TRIM67: variants seen among roughly 807,000 people sequenced by gnomAD.
TRIM67 encodes tripartite motif containing 67, also known as tripartite motif-containing protein 67.
Under a neutral mutation model 71.0 loss-of-function variants are expected in TRIM67, and 39 were observed. The ratio of observed to expected loss-of-function variants is 0.55; its 90% confidence interval spans 0.43 to 0.72. TRIM67 has a LOEUF of 0.72. TRIM67 is among the 30% of genes least tolerant of loss of function. The pLI, the probability that TRIM67 is intolerant of heterozygous loss-of-function variation, is 0.00. For synonymous variants in TRIM67, 481 were observed against 473.9 expected, an observed-to-expected ratio of 1.01 and a Z score of -0.19; for missense variants, 973 against 1,079.2, an observed-to-expected ratio of 0.90 and a Z score of 1.38.
intron 1 of TRIM67, among the ~76,000 whole-genome samples, chr1:231,186,575 G>T (rs1683082096): frequency 1.3e-5 from 2 of 152,122 alleles, no homozygotes; most frequent in South Asian, 2.1e-4. Flanking sequence ...TTCACGTGGT[G>T]CTTTCCCTAG....
chr1:231,207,292 C>T (rs1683731632), intron 7 of TRIM67, among the ~76,000 whole-genome samples: 1 of 152,172 alleles, frequency 6.6e-6, no homozygotes. Context: ...CACACCAGTC[C>T]CTACATTTGA....
In TRIM67 at chr1:231,218,434, G is replaced by A; in HGVS notation, c.*2994G>A. Reference sequence around the variant, plus strand: ...AGTGCCTCTGTAATGTGGTTCTGCAGTTGTTCTTTGCTAGTGAGCAAGCTT... The same window carrying A: ...AGTGCCTCTGTAATGTGGTTCTGCAATTGTTCTTTGCTAGTGAGCAAGCTT... On this transcript the variant is annotated 3_prime_UTR_variant, in exon 10 of 10. Coordinates refer to ENST00000366653, the MANE Select transcript of TRIM67 (RefSeq NM_001004342.5). 4 of 985,646 alleles carry A rather than the reference G, an allele frequency of 4.1e-6. No homozygotes were observed. The highest frequency in any genetic ancestry group is 2.4e-6 in the Non-Finnish European group (2 of 830,088). 61.1% of individuals were successfully genotyped at this position (985,646 alleles called of 1,614,324 possible).
intron 4 of TRIM67, 67 bp downstream of exon 4, chr1:231,200,325 C>G: frequency 9.5e-7 from 1 of 1,049,148 alleles, no homozygotes; most frequent in Non-Finnish European, 1.5e-6. Context: ...CCAAATCAGC[C>G]CAAGTTCTAG....
chr1:231,204,337 C>A (rs1683636864), intron 6 of TRIM67, among the ~76,000 whole-genome samples: 1 of 152,182 alleles, frequency 6.6e-6, no homozygotes, highest in Non-Finnish European at 1.5e-5. Flanking sequence ...CTTGTCTCAT[C>A]CTCTAATTAT....
rs139376072 is a variant in TRIM67, at chr1:231,200,237, C to T, written c.1353C>T (p.Asn451=). The change falls in exon 4 of 10, where the codon AAC becomes AAT. Residue 451 remains asparagine, a synonymous_variant. Coordinates refer to ENST00000366653, the MANE Select transcript of TRIM67 (RefSeq NM_001004342.5). ...ACTGCCTGGAGGTGATCAAGGAGAACGACCCCTCCGGGTTCTTACAGGTGA... is the reference window on the plus strand; with the variant it reads ...ACTGCCTGGAGGTGATCAAGGAGAATGACCCCTCCGGGTTCTTACAGGTGA... ...MEYCLEVIKE[N]DPSGFLQISD... is the part of the protein sequence containing the mutation. 23,843 of 1,612,960 alleles carry T rather than the reference C, an allele frequency of 0.015. 277 individuals are homozygous for T. The highest frequency in any genetic ancestry group is 0.037 in the South Asian group (3,357 of 91,032).
chr1:231,186,181 A>G, intron 1 of TRIM67: 1 of 1,532,244 alleles, frequency 6.5e-7, no homozygotes, highest in Admixed American at 2.0e-5. Context: ...GTTCTGCATG[A>G]ATCACAGCAG....
Position 231,217,740 on chromosome 1 carries a change from G to A in TRIM67, c.*2300G>A. ...CAGGTCACCAGGTGGCCCCAGCTCT[G>A]CAGAAGAATCGCCCATCATTGGAGC... On this transcript the variant is annotated 3_prime_UTR_variant, in exon 10 of 10. Transcript: ENST00000366653. 2 of 1,262,284 alleles carry A rather than the reference G, an allele frequency of 1.6e-6. No homozygotes were observed. The highest frequency in any genetic ancestry group is 2.1e-6 in the Non-Finnish European group (2 of 974,020). 78.2% of individuals were successfully genotyped at this position (1,262,284 alleles called of 1,614,324 possible). A position where few individuals can be genotyped will look rare whatever the true frequency, so the allele number is the denominator to read the frequency against.
In TRIM67 at chr1:231,163,200, C is replaced by A. The variant is rs1260552328; in HGVS notation, c.231C>A (p.Cys77Ter). 1 of 1,496,326 alleles carries A rather than the reference C, an allele frequency of 6.7e-7. No individual in the cohort carries two copies. The highest frequency in any genetic ancestry group is 1.5e-5 in the African/African-American group (1 of 68,750). The allele number at this position is 1,496,326 out of a possible 1,614,324, so 92.7% of individuals were successfully genotyped here. A position where few individuals can be genotyped will look rare whatever the true frequency, so the allele number is the denominator to read the frequency against. ...ACGACGCTGCGGCTGGCCCGGCCTG[C>A]GGCGGTGCAGGCGGGAGTGCAGCTG... ...LEHDAAAGPA[C>*]GGAGGSAAGG... Residue 77 changes from cysteine to a stop codon, truncating the protein, a stop_gained, in exon 1 of 10, where the codon TGC becomes TGA. Coordinates refer to ENST00000366653, the MANE Select transcript of TRIM67 (RefSeq NM_001004342.5). LOFTEE classifies it high-confidence loss of function.
chr1:231,203,802 G>A, intron 5 of TRIM67, 65 bp from the exon 6 acceptor site: 15 of 1,553,166 alleles, frequency 9.7e-6, no homozygotes, highest in Non-Finnish European at 1.1e-5. Flanking sequence ...ATGGGGTGGG[G>A]TGGGGGACCG....
At chr1:231,172,968 A>G (rs1314437839) in intron 1 of TRIM67, among the ~76,000 whole-genome samples, 1 of 152,244 alleles carries the variant, frequency 6.6e-6, no homozygotes, top group Non-Finnish European at 1.5e-5. Flanking sequence ...TAACGTAAAT[A>G]CTGATGCTGT....
At position 231,162,846 on chromosome 1, in the gene TRIM67, A is replaced by C; in HGVS notation, c.-124A>C. On this transcript the variant is annotated 5_prime_UTR_variant, in exon 1 of 10. The change abolishes an upstream ATG in the 5' untranslated region. Transcript: ENST00000366653. The stretch of plus-strand genomic sequence containing the variant: ...CGTGCCCCTCGGCTGTGAAGTGGGC[A>C]TGCCCGTGTGATGCCCCCGCCCGTC... 2 of 1,313,412 alleles carry C rather than the reference A, an allele frequency of 1.5e-6. No individual in the cohort carries two copies. The highest frequency in any genetic ancestry group is 2.1e-6 in the Non-Finnish European group (2 of 966,850). The allele number at this position is 1,313,412 out of a possible 1,614,324, so 81.4% of individuals were successfully genotyped here.
Position 231,203,962 on chromosome 1 carries a change from G to C in TRIM67, c.1630G>C (p.Val544Leu). The C allele has an allele frequency of 6.2e-7, 1 of 1,613,966 alleles. No homozygotes were observed. Among genetic ancestry groups the C allele is most frequent in the Non-Finnish European group, 8.5e-7 (1 of 1,179,868 alleles). Residue 544 changes from valine (V) to leucine (L), a missense_variant, in exon 6 of 10, where the codon GTG becomes CTG. Around this residue, in one of 2 missense-constraint regions of TRIM67, gnomAD observed 795 missense variants for 831.3 expected, o/e 0.96. Transcript: ENST00000366653. The stretch of plus-strand genomic sequence containing the variant: ...GATGCCACCCTTCACCCACAGCCCC[G>C]TGGACGGCTACATCCTGGAGCTGGA... ...WRMPPFTHSP[V>L]DGYILELDDG...
At chr1:231,185,028 T>C in intron 1 of TRIM67, 1 of 1,533,000 alleles carries the variant, frequency 6.5e-7, no homozygotes, top group Non-Finnish European at 8.7e-7. Flanking sequence ...CTTATTCTGC[T>C]TGCAGGGCCT....
chr1:231,171,003 T>G (rs1184975404), intron 1 of TRIM67, among the ~76,000 whole-genome samples: 1 of 152,206 alleles, frequency 6.6e-6, no homozygotes, highest in Non-Finnish European at 1.5e-5. Context: ...TGACTCATGA[T>G]TTGTGTTTTA....
At chr1:231,187,498 T>TAAA (rs370215367) in intron 1 of TRIM67, 15 of 1,142,804 alleles carry the variant, frequency 1.3e-5, no homozygotes, top group East Asian at 6.2e-5. Context: ...AGCCACAGGT[T>TAAA]AAAAAAAAAA....
At position 231,208,950 on chromosome 1, in the gene TRIM67, C is replaced by T. The variant is rs114211525; in HGVS notation, c.1823C>T (p.Ala608Val). 1.5e-5 allele frequency: 24 copies of T among 1,574,024 alleles called. No homozygotes were observed. The African/African-American group carries it at 3.2e-4, about 21-fold the overall frequency. ...KTVVLQTSDV[A>V]WFTFDPNSGH... Reference sequence around the variant, plus strand: ...CTCTCACCTCCTCCCTTTTTAGTGGCCTGGTTCACATTTGACCCCAACTCT... The same window carrying T: ...CTCTCACCTCCTCCCTTTTTAGTGGTCTGGTTCACATTTGACCCCAACTCT... The change falls in exon 8 of 10, where the codon GCC (alanine) becomes GTC (valine). Residue 608 changes from alanine (A) to valine (V), a missense_variant. By Grantham distance (64) the Ala-to-Val change is moderately conservative (BLOSUM62 0). Transcript: ENST00000366653.
Position 231,163,190 on chromosome 1 carries a change from G to T in TRIM67, c.221G>T (p.Gly74Val). Residue 74 changes from glycine to valine, a missense_variant, in exon 1 of 10, where the codon GGC becomes GTC. Coordinates refer to ENST00000366653, the MANE Select transcript of TRIM67 (RefSeq NM_001004342.5). Reference sequence around the variant, plus strand: ...TCTCTGGAGCACGACGCTGCGGCTGGCCCGGCCTGCGGCGGTGCAGGCGGG... The same window carrying T: ...TCTCTGGAGCACGACGCTGCGGCTGTCCCGGCCTGCGGCGGTGCAGGCGGG... ...AASLEHDAAA[G>V]PACGGAGGSA... The T allele has an allele frequency of 6.7e-7, 1 of 1,499,828 alleles. No individual in the cohort carries two copies. The highest frequency in any genetic ancestry group is 8.9e-7 in the Non-Finnish European group (1 of 1,127,428). The allele number at this position is 1,499,828 out of a possible 1,614,324, so 92.9% of individuals were successfully genotyped here.
At chr1:231,201,322 CA>C in intron 4 of TRIM67, 35 bp from the exon 5 acceptor site, 1 of 1,587,782 alleles carries the variant, frequency 6.3e-7, no homozygotes, top group Non-Finnish European at 8.6e-7. Context: ...TTTTCCTTTG[CA>C]AAGCAAAACC....
At chr1:231,206,521 C>T (rs1683702586) in intron 6 of TRIM67, 131 bp from the exon 7 acceptor site, 2 of 868,546 alleles carry the variant, frequency 2.3e-6, no homozygotes, top group South Asian at 2.4e-5. Context: ...GCTCCCACCT[C>T]AGCTTCCTGA....
Sources: allele counts gnomAD v4.1 joint callset (sites outside exome capture counted in the v4.1 genomes callset), GRCh38; gene constraint gnomAD v4.1.1; regional missense constraint gnomAD v4.1.1; transcripts MANE v1.5; gene names NCBI Gene and HGNC (gene_info 2026-07-23, HGNC 2026-07-21).